The following ARB2A variants were observed in gnomAD, a reference collection of about 807,000 sequenced individuals.
ARB2A encodes ARB2 cotranscriptional regulator A, also known as cotranscriptional regulator ARB2A.
chr5:93,887,484 G>A, the ARB2A span, among the ~76,000 whole-genome samples: 35 of 151,622 alleles, frequency 2.3e-4, 1 homozygote, highest in South Asian at 6.7e-3. Flanking sequence ...ATACGTGTTC[G>A]GCATCTGTAT....
the ARB2A span, among the ~76,000 whole-genome samples, chr5:94,077,903 A>AT: frequency 6.6e-6 from 1 of 152,232 alleles, no homozygotes; most frequent in East Asian, 1.9e-4. Context: ...AGCAATTATC[A>AT]TATCCCTTTC....
At chr5:94,083,625 C>A in the ARB2A span, among the ~76,000 whole-genome samples, 1 of 151,856 alleles carries the variant, frequency 6.6e-6, no homozygotes, top group Non-Finnish European at 1.5e-5. Flanking sequence ...AATCAAGAAC[C>A]AGAAAAGAAT....
chr5:94,077,342 C>T, the ARB2A span, among the ~76,000 whole-genome samples: 1 of 150,284 alleles, frequency 6.7e-6, no homozygotes, highest in East Asian at 2.0e-4. Flanking sequence ...CACTGCACTC[C>T]AGCCTGGTTG....
chr5:93,984,664 CAT>C, the ARB2A span, among the ~76,000 whole-genome samples: 4 of 152,144 alleles, frequency 2.6e-5, no homozygotes, highest in African/African-American at 7.2e-5. Flanking sequence ...CTTCTTTTAA[CAT>C]GTGTCATTCC....
the ARB2A span, among the ~76,000 whole-genome samples, chr5:94,022,338 TC>T: frequency 6.6e-6 from 1 of 152,178 alleles, no homozygotes; most frequent in Non-Finnish European, 1.5e-5. Flanking sequence ...ATCAGCATAT[TC>T]CTCTTGTATT....
the ARB2A span, among the ~76,000 whole-genome samples, chr5:93,952,146 T>C: frequency 1.3e-5 from 2 of 152,158 alleles, no homozygotes; most frequent in African/African-American, 4.8e-5. Flanking sequence ...AAAATGTACA[T>C]AGTATCCAAA....
At chr5:93,999,010 A>G in the ARB2A span, among the ~76,000 whole-genome samples, 26 of 152,088 alleles carry the variant, frequency 1.7e-4, no homozygotes, top group African/African-American at 6.3e-4. Flanking sequence ...AACATCTCTA[A>G]GCATTATTCA....
At chr5:93,656,351 T>C in the ARB2A span, among the ~76,000 whole-genome samples, 10 of 152,230 alleles carry the variant, frequency 6.6e-5, no homozygotes, top group African/African-American at 1.9e-4. Flanking sequence ...TCTAACCTGC[T>C]ATAAGCCTGT....
the ARB2A span, among the ~76,000 whole-genome samples, chr5:93,790,585 CAG>C: frequency 2.0e-5 from 3 of 152,104 alleles, no homozygotes; most frequent in Admixed American, 2.0e-4. Context: ...ACAATGAAAA[CAG>C]AATTGGTGAA....
the ARB2A span, among the ~76,000 whole-genome samples, chr5:93,712,088 A>G: frequency 6.6e-6 from 1 of 152,368 alleles, no homozygotes; most frequent in East Asian, 1.9e-4. Flanking sequence ...AAGCTAGGGC[A>G]GACTTGGAAA....
the ARB2A span, among the ~76,000 whole-genome samples, chr5:94,087,424 A>T: frequency 9.7e-4 from 147 of 152,298 alleles, no homozygotes; most frequent in African/African-American, 3.1e-3. Context: ...AATTAATTTT[A>T]AAATTTATAA....
At chr5:94,039,876 C>G in the ARB2A span, among the ~76,000 whole-genome samples, 1 of 152,106 alleles carries the variant, frequency 6.6e-6, no homozygotes, top group Non-Finnish European at 1.5e-5. Flanking sequence ...CCATCACCCC[C>G]CAACCCCGAT....
chr5:94,056,318 T>C, the ARB2A span, among the ~76,000 whole-genome samples: 2 of 152,200 alleles, frequency 1.3e-5, no homozygotes, highest in African/African-American at 4.8e-5. Context: ...AAATTTTTCC[T>C]GTCAACTAGA....
chr5:93,685,731 C>A, the ARB2A span, among the ~76,000 whole-genome samples: 1 of 152,250 alleles, frequency 6.6e-6, no homozygotes, highest in South Asian at 2.1e-4. Flanking sequence ...ACAGAACTAA[C>A]CAGTATTTGC....
At chr5:93,965,103 A>C in the ARB2A span, among the ~76,000 whole-genome samples, 1 of 152,086 alleles carries the variant, frequency 6.6e-6, no homozygotes, top group East Asian at 1.9e-4. Context: ...GAACCAACAG[A>C]TATAACTGAA....
At chr5:93,715,465 A>T in the ARB2A span, among the ~76,000 whole-genome samples, 1 of 152,184 alleles carries the variant, frequency 6.6e-6, no homozygotes, top group Admixed American at 6.5e-5. Flanking sequence ...CACCATAATT[A>T]ACCACTGGTA....
At chr5:94,006,753 A>AT in the ARB2A span, among the ~76,000 whole-genome samples, 76 of 152,334 alleles carry the variant, frequency 5.0e-4, no homozygotes, top group African/African-American at 1.7e-3. Context: ...AGGAGTATAC[A>AT]TTTTTAAAGG....
At chr5:93,706,176 A>T in the ARB2A span, among the ~76,000 whole-genome samples, 1 of 152,358 alleles carries the variant, frequency 6.6e-6, no homozygotes, top group East Asian at 1.9e-4. Flanking sequence ...AGCAAACTAA[A>T]TGTGGTGTAT....
At chr5:94,106,102 C>T in the ARB2A span, among the ~76,000 whole-genome samples, 2 of 151,818 alleles carry the variant, frequency 1.3e-5, no homozygotes, top group African/African-American at 4.8e-5. Flanking sequence ...ACTCCAAAAG[C>T]AACTGCAACA....
Sources: allele counts gnomAD v4.1 joint callset (sites outside exome capture counted in the v4.1 genomes callset), GRCh38; gene constraint gnomAD v4.1.1; transcripts MANE v1.5; gene names NCBI Gene and HGNC (gene_info 2026-07-23, HGNC 2026-07-21).